The following KLHL3 variants were observed in gnomAD, a reference collection of about 807,000 sequenced individuals.
The protein encoded by KLHL3 is kelch like family member 3.
KLHL3 carries 19 observed loss-of-function variants against 70.5 expected under a neutral mutation model. The ratio of observed to expected loss-of-function variants is 0.27; its 90% CI spans 0.19 to 0.40. KLHL3 has a LOEUF of 0.40. KLHL3 is among the 10% of genes least tolerant of loss of function. The pLI is 1.00. For synonymous variants in KLHL3, 258 were observed against 290.3 expected (o/e 0.89, Z 1.13); for missense variants, 512 against 771.1 (o/e 0.66, Z 3.98).
In KLHL3 at chr5:137,618,851, C is replaced by T. The variant is rs1756311459; in HGVS notation, c.*3247G>A. ...CTAGCAATTCAAGAAACACCAGTGA[C>T]TGCGTTTTAAAATTCAGCAGACTCC... is the stretch of plus-strand genomic sequence containing the variant. On this transcript the variant is annotated 3_prime_UTR_variant, in exon 15 of 15. Coordinates refer to ENST00000309755, the MANE Select transcript of KLHL3 (RefSeq NM_017415.3). 1.4e-5 allele frequency: 2 copies of T among 145,368 alleles called. No homozygotes were observed. 9.0% of individuals were successfully genotyped at this position (145,368 alleles called of 1,614,324 possible). A position where few individuals can be genotyped will look rare whatever the true frequency, so the allele number is the denominator to read the frequency against.
rs183132540 is a variant in KLHL3, at chr5:137,729,112, G to A, written c.14+6521C>T. 5.7e-3 allele frequency among the ~76,000 whole-genome samples: 865 copies of A among 152,170 alleles called. 10 individuals carry two copies. Among genetic ancestry groups the A allele is most frequent in the Non-Finnish European group, 5.7e-3 (390 of 67,996 alleles). On this transcript the variant is annotated intron_variant, in intron 1 of 14. Transcript: ENST00000309755. ...GTTATGATCTGTTTCACCTCTAAAG[G>A]TCTCCAAGAGATGCAAATAAAATTC...
intron 5 of KLHL3, among the ~76,000 whole-genome samples, chr5:137,690,653 G>A (rs1432467587): frequency 6.6e-6 from 1 of 152,176 alleles, no homozygotes; most frequent in Non-Finnish European, 1.5e-5. Flanking sequence ...TCAGAAACAG[G>A]CTGCAGGGAG....
At chr5:137,716,757 T>G (rs1029043804) in intron 2 of KLHL3, among the ~76,000 whole-genome samples, 2 of 152,192 alleles carry the variant, frequency 1.3e-5, no homozygotes, top group Non-Finnish European at 2.9e-5. Context: ...ACCACTCCTG[T>G]GGTCAGTGGT....
chr5:137,686,077 T>C (rs1752156211), intron 5 of KLHL3, among the ~76,000 whole-genome samples: 1 of 152,154 alleles, frequency 6.6e-6, no homozygotes, highest in African/African-American at 2.4e-5. Flanking sequence ...TAAACTGGAA[T>C]CTACAGACAA....
chr5:137,704,963 A>G (rs989257967), intron 3 of KLHL3, among the ~76,000 whole-genome samples: 2 of 152,176 alleles, frequency 1.3e-5, no homozygotes, highest in Non-Finnish European at 2.9e-5. Flanking sequence ...GTGGAAGGTG[A>G]AGCCATTGCT....
Position 137,661,921 on chromosome 5 carries a change from T to G in KLHL3, c.747A>C (p.Leu249=), listed in dbSNP as rs1455118999. The change falls in exon 7 of 15, where the codon CTA becomes CTC. Residue 249 remains leucine (L), a synonymous_variant. Coordinates refer to ENST00000309755, the MANE Select transcript of KLHL3 (RefSeq NM_017415.3). ...CTCTTCATACAACACTCACTTGGACTAGGTAGTCCCTAGGTAAGAGAGGAA... is the reference window on the plus strand; with the variant it reads ...CTCTTCATACAACACTCACTTGGACGAGGTAGTCCCTAGGTAAGAGAGGAA... ...VRLPLLPRDY[L]VQTVEEEALI... is the part of the protein sequence containing the mutation. 1 of 1,570,712 alleles carries G rather than the reference T, an allele frequency of 6.4e-7. No homozygotes were observed. Among genetic ancestry groups the G allele is most frequent in the Non-Finnish European group, 8.8e-7 (1 of 1,140,662 alleles).
At position 137,619,717 on chromosome 5, in the gene KLHL3, G is replaced by A. The variant is rs970304616; in HGVS notation, c.*2381C>T. 6.5e-6 allele frequency: 1 copy of A among 152,734 alleles called. No homozygotes were observed. The highest frequency in any genetic ancestry group is 1.5e-5 in the Non-Finnish European group (1 of 68,090). The allele number at this position is 152,734 out of a possible 1,614,324, so 9.5% of individuals were successfully genotyped here. A position where few individuals can be genotyped will look rare whatever the true frequency, so the allele number is the denominator to read the frequency against. On this transcript the variant is annotated 3_prime_UTR_variant, in exon 15 of 15. Transcript: ENST00000309755. ...GTGAAAAAGGATACATGAGGATGGA[G>A]TGCACATGGCCTTGGCAGCACGCCC...
intron 8 of KLHL3, among the ~76,000 whole-genome samples, chr5:137,646,820 C>A (rs1182664520): frequency 6.6e-6 from 1 of 152,222 alleles, no homozygotes; most frequent in Non-Finnish European, 1.5e-5. Flanking sequence ...ATTTATCTTT[C>A]AAGGTAACCC....
intron 2 of KLHL3, among the ~76,000 whole-genome samples, chr5:137,714,882 CA>C (rs1003752879): frequency 1.3e-5 from 2 of 150,002 alleles, no homozygotes; most frequent in South Asian, 2.1e-4. Context: ...GACAGACCAT[CA>C]AAAAAAAAGA....
In KLHL3 at chr5:137,618,679, C is replaced by T. The variant is rs1003402988; in HGVS notation, c.*3419G>A. On this transcript the variant is annotated 3_prime_UTR_variant, in exon 15 of 15. Coordinates refer to ENST00000309755, the MANE Select transcript of KLHL3 (RefSeq NM_017415.3). ...GGCCTTTCCCTGAGGCTTCTCCATG[C>T]CACAGGGTACCAGGCTCAGTGCCCG... The T allele has an allele frequency of 6.6e-6, 1 of 151,834 alleles. No homozygotes were observed. The highest frequency in any genetic ancestry group is 6.6e-5 in the Admixed American group (1 of 15,246). The allele number at this position is 151,834 out of a possible 1,614,324, so 9.4% of individuals were successfully genotyped here.
At chr5:137,682,624 G>A (rs894229694) in intron 5 of KLHL3, among the ~76,000 whole-genome samples, 1 of 152,000 alleles carries the variant, frequency 6.6e-6, no homozygotes, top group Non-Finnish European at 1.5e-5. Context: ...TAGTCTTTGG[G>A]GTTCCCAAAG....
Position 137,720,408 on chromosome 5 carries a change from G to A in KLHL3, c.134+57C>T, listed in dbSNP as rs1046591491. ...GTTCTGACTTCTGTTCTCAGTCCTTGATGAAGCTCATGGACAAGTTCCTTC... is the reference window on the plus strand; with the variant it reads ...GTTCTGACTTCTGTTCTCAGTCCTTAATGAAGCTCATGGACAAGTTCCTTC... On this transcript the variant is annotated intron_variant, in intron 2 of 14. Coordinates refer to ENST00000309755, the MANE Select transcript of KLHL3 (RefSeq NM_017415.3). 13 of 1,607,508 alleles carry A rather than the reference G, an allele frequency of 8.1e-6. No homozygotes were observed. The African/African-American group carries it at 1.5e-4, about 18-fold the overall frequency.
At chr5:137,677,308 C>A in intron 6 of KLHL3, 1 of 335,450 alleles carries the variant, frequency 3.0e-6, no homozygotes, top group Non-Finnish European at 5.4e-6. Context: ...ATTAGCTGGG[C>A]ATGGTGGCGG....
Position 137,698,299 on chromosome 5 carries a change from T to C in KLHL3, c.351A>G (p.Glu117=). Residue 117 remains glutamate, a synonymous_variant, in exon 4 of 15, where the codon GAA becomes GAG. Transcript: ENST00000309755. ...AGCCTGAGTTTACCTGGACATTCTCTTCAGTCACCTCGATTTCAGCAGTAT... is the reference window on the plus strand; with the variant it reads ...AGCCTGAGTTTACCTGGACATTCTCCTCAGTCACCTCGATTTCAGCAGTAT... ...YIYTAEIEVT[E]ENVQVLLPAA... The C allele has an allele frequency of 6.2e-7, 1 of 1,614,222 alleles. No homozygotes were observed. Among genetic ancestry groups the C allele is most frequent in the Non-Finnish European group, 8.5e-7 (1 of 1,180,018 alleles).
intron 5 of KLHL3, among the ~76,000 whole-genome samples, chr5:137,679,896 G>T (rs1751981632): frequency 1.3e-5 from 2 of 152,254 alleles, no homozygotes; most frequent in South Asian, 4.1e-4. Context: ...GATCTGTGAG[G>T]TTTGTAGGGC....
chr5:137,731,688 C>T (rs781601002), intron 1 of KLHL3, among the ~76,000 whole-genome samples: 9 of 152,152 alleles, frequency 5.9e-5, no homozygotes, highest in East Asian at 3.9e-4. Context: ...ACATGGTGCC[C>T]CTCTCAAGCA....
chr5:137,733,119 T>C (rs1328876835), intron 1 of KLHL3, among the ~76,000 whole-genome samples: 2 of 152,134 alleles, frequency 1.3e-5, no homozygotes, highest in African/African-American at 2.4e-5. Flanking sequence ...GAGCACCAGA[T>C]TGAGGATCCC....
At chr5:137,623,995 A>G (rs563809810) in intron 14 of KLHL3, among the ~76,000 whole-genome samples, 1 of 152,322 alleles carries the variant, frequency 6.6e-6, no homozygotes, top group East Asian at 1.9e-4. Context: ...AGGTTCATAC[A>G]ACTTTGCATC....
At chr5:137,679,156 A>G (rs940178414) in intron 5 of KLHL3, among the ~76,000 whole-genome samples, 10 of 150,538 alleles carry the variant, frequency 6.6e-5, no homozygotes, top group Non-Finnish European at 1.3e-4. Context: ...TCTTCTTTGG[A>G]TGGTAAGAAT....
Sources: gnomAD v4.1 joint callset for allele counts (sites outside exome capture counted in the v4.1 genomes callset) on GRCh38, gnomAD v4.1.1 for gene constraint, MANE v1.5 for transcripts, NCBI Gene and HGNC (gene_info 2026-07-23, HGNC 2026-07-21) for gene names.